ICA1L: variants seen among roughly 807,000 people sequenced by gnomAD.
The protein encoded by ICA1L is islet cell autoantigen 1-like protein.
Under a neutral mutation model 61.3 loss-of-function variants are expected in ICA1L, and 50 were observed. That is an observed-to-expected ratio of 0.82 (90% confidence interval 0.65 to 1.03). The LOEUF (loss-of-function observed/expected upper bound fraction) is 1.03, where lower values mean the gene tolerates loss of function less well. Ranked by LOEUF, ICA1L falls within the 50% of genes least tolerant of loss-of-function variation. ICA1L has a pLI of 0.00. For missense variants in ICA1L, 508 were observed against 556.7 expected, an observed-to-expected ratio of 0.91 and a Z score of 0.88; for synonymous variants, 161 against 191.3, an observed-to-expected ratio of 0.84 and a Z score of 1.31.
At chr2:202,835,690 T>C (rs953999835) in intron 1 of ICA1L, among the ~76,000 whole-genome samples, 14 of 151,414 alleles carry the variant, frequency 9.2e-5, no homozygotes, top group African/African-American at 3.2e-4. Context: ...AGGACTACAG[T>C]TTGTGCCACC....
chr2:202,802,757 T>C (rs1465109105), intron 9 of ICA1L, among the ~76,000 whole-genome samples: 1 of 152,044 alleles, frequency 6.6e-6, no homozygotes, highest in African/African-American at 2.4e-5. Flanking sequence ...TTGGTAAATC[T>C]CAATTTTTTT....
Position 202,849,114 on chromosome 2 carries a change from G to GT in ICA1L, c.-7-20099dup, listed in dbSNP as rs1247688375. ...GCCCAGATACTATGCTTTTCTCACA[G>GT]TTTTTGCAATCCGCAGACCAGAAGA... On this transcript the variant is annotated intron_variant, in intron 1 of 12. Transcript: ENST00000358299. This position sits in a 1 kb window ranked among gnomAD's most constrained non-coding sequence, Gnocchi z 4.5. 7.2e-5 allele frequency among the ~76,000 whole-genome samples: 11 copies of GT among 152,326 alleles called. No individual in the cohort carries two copies. In the East Asian group the frequency reaches 2.1e-3, roughly 29 times the overall value.
At chr2:202,818,362 G>A (rs968543206) in intron 5 of ICA1L, among the ~76,000 whole-genome samples, 5 of 152,116 alleles carry the variant, frequency 3.3e-5, no homozygotes, top group African/African-American at 1.2e-4. Context: ...GTGGGAGGGG[G>A]TGAAGACCTT....
chr2:202,866,241 T>C (rs1464694670), intron 1 of ICA1L, among the ~76,000 whole-genome samples: 1 of 152,050 alleles, frequency 6.6e-6, no homozygotes, highest in African/African-American at 2.4e-5. Flanking sequence ...GATGAGTGAG[T>C]TCTTACTCTC....
chr2:202,783,032 G>A (rs1692460546), intron 12 of ICA1L, among the ~76,000 whole-genome samples: 1 of 152,018 alleles, frequency 6.6e-6, no homozygotes, highest in African/African-American at 2.4e-5. Context: ...TCAAAGTACT[G>A]GGAAGAATAA....
intron 9 of ICA1L, among the ~76,000 whole-genome samples, chr2:202,807,551 G>A (rs1443842489): frequency 6.6e-6 from 1 of 152,150 alleles, no homozygotes; most frequent in Non-Finnish European, 1.5e-5. Flanking sequence ...CACAAGTACT[G>A]CAATTCCTGG....
chr2:202,842,878 GAGTT>G (rs1201685490), intron 1 of ICA1L, among the ~76,000 whole-genome samples: 1 of 151,912 alleles, frequency 6.6e-6, no homozygotes, highest in Non-Finnish European at 1.5e-5. Context: ...ATCTGTCTTT[GAGTT>G]CACATATTAA....
In ICA1L at chr2:202,789,453, A is replaced by G. The variant is rs190254366; in HGVS notation, c.986-366T>C. Among the ~76,000 whole-genome samples the G allele has an allele frequency of 2.2e-3, 339 of 152,338 alleles. 1 individual carries two copies. Among genetic ancestry groups the G allele is most frequent in the Admixed American group, 4.4e-3 (67 of 15,300 alleles). On this transcript the variant is annotated intron_variant, in intron 10 of 12. Transcript: ENST00000358299. The stretch of plus-strand genomic sequence containing the variant: ...AGAGGACAACAGATAAAAAAGATCA[A>G]AAGAGCATAATCAATAATGTAGTTA...
chr2:202,823,389 T>C (rs1311680485), intron 3 of ICA1L, among the ~76,000 whole-genome samples: 1 of 152,222 alleles, frequency 6.6e-6, no homozygotes, highest in East Asian at 1.9e-4. Context: ...ATTAAATCTA[T>C]ATGTGTTTCC....
At chr2:202,865,336 G>C (rs575684923) in intron 1 of ICA1L, among the ~76,000 whole-genome samples, 2 of 151,082 alleles carry the variant, frequency 1.3e-5, no homozygotes, top group African/African-American at 4.9e-5. Context: ...GGGCGTGGTG[G>C]TGCACTCCTG....
At chr2:202,779,691 G>C (rs763500886) in intron 12 of ICA1L, 43 bp from the exon 13 acceptor site, 1 of 1,165,640 alleles carries the variant, frequency 8.6e-7, no homozygotes, top group East Asian at 2.4e-5. Flanking sequence ...ATTCAGTTTT[G>C]AAATCATGTT....
At position 202,774,471 on chromosome 2, in the gene ICA1L, T is replaced by G; in HGVS notation, c.*5062A>C. 2 of 487,704 alleles carry G rather than the reference T, an allele frequency of 4.1e-6. No homozygotes were observed. The highest frequency in any genetic ancestry group is 6.9e-6 in the Non-Finnish European group (2 of 290,270). 30.2% of individuals were successfully genotyped at this position (487,704 alleles called of 1,614,324 possible). Reference sequence around the variant, plus strand: ...TCAAGAAACAACTTTTTCTTTCATGTTTTTTGTATGTGTTTTTTTAGGTTA... The same window carrying G: ...TCAAGAAACAACTTTTTCTTTCATGGTTTTTGTATGTGTTTTTTTAGGTTA... On this transcript the variant is annotated 3_prime_UTR_variant, in exon 13 of 13. Transcript: ENST00000358299.
chr2:202,828,971 C>CTGAT lies in ICA1L; in HGVS notation c.35_38dup (p.Val16SerfsTer13), dbSNP rs770879572. On this transcript the variant is annotated frameshift_variant, in exon 2 of 13. Transcript: ENST00000358299. LOFTEE classifies it high-confidence loss of function. ...TCTTTTGCATTCTTCTGACTACTGA[C>CTGAT]TGATTATCTTCTGGTCTGGGTTGCC... is the stretch of plus-strand genomic sequence containing the variant. 6.2e-7 allele frequency: 1 copy of CTGAT among 1,605,432 alleles called. No individual in the cohort carries two copies.
chr2:202,856,276 C>G (rs567019728), intron 1 of ICA1L, among the ~76,000 whole-genome samples: 2 of 152,078 alleles, frequency 1.3e-5, no homozygotes, highest in Non-Finnish European at 2.9e-5. Flanking sequence ...AAAAGCTTAT[C>G]CACCATGATC....
intron 8 of ICA1L, among the ~76,000 whole-genome samples, 171 bp downstream of exon 8, chr2:202,814,531 T>C (rs1280806841): frequency 6.6e-6 from 1 of 152,210 alleles, no homozygotes; most frequent in Non-Finnish European, 1.5e-5. Flanking sequence ...CTGTCTCAGG[T>C]ATCCTGTTAT....
intron 3 of ICA1L, chr2:202,821,776 AAAAT>A (rs1373394815): frequency 5.6e-6 from 1 of 179,184 alleles, no homozygotes; most frequent in Non-Finnish European, 1.2e-5. Context: ...TCAAAACTAT[AAAAT>A]AAAGCCATAA....
rs1002690261 is a variant in ICA1L at position 202,825,834 on chromosome 2, A to C, written c.163-67T>G. 2.0e-5 allele frequency: 18 copies of C among 889,752 alleles called. No homozygotes were observed. In the Admixed American group the frequency reaches 4.9e-4, roughly 24 times the overall value. The allele number at this position is 889,752 out of a possible 1,614,324, so 55.1% of individuals were successfully genotyped here. Reference sequence around the variant, plus strand: ...AACAAATATATGTTATAAGCACCCCAAAAGCATAACATTTTCTTCTAAGTA... The same window carrying C: ...AACAAATATATGTTATAAGCACCCCCAAAGCATAACATTTTCTTCTAAGTA... On this transcript the variant is annotated intron_variant, in intron 2 of 12. Transcript: ENST00000358299.
chr2:202,774,205 CGCCGGATCGAAGGCGCGG>C lies in ICA1L; in HGVS notation c.*5310_*5327del. The C allele has an allele frequency of 6.4e-7, 1 of 1,550,862 alleles. No individual in the cohort carries two copies. The highest frequency in any genetic ancestry group is 8.7e-7 in the Non-Finnish European group (1 of 1,146,604). The stretch of plus-strand genomic sequence containing the variant: ...GCGGGCACACCAGGAACTCCAGCAG[CGCCGGATCGAAGGCGCGG>C]GGCGGCTCCTGAGTCTTCTCGCTCC... On this transcript the variant is annotated 3_prime_UTR_variant, in exon 13 of 13. Coordinates refer to ENST00000358299, the MANE Select transcript of ICA1L (RefSeq NM_001288622.3).
intron 1 of ICA1L, chr2:202,841,458 C>T (rs1694326974): frequency 9.7e-7 from 1 of 1,029,594 alleles, no homozygotes; most frequent in East Asian, 2.4e-5. Context: ...GGAATTGTAC[C>T]TTGTCTATGG....
Sources: allele counts gnomAD v4.1 joint callset (sites outside exome capture counted in the v4.1 genomes callset), GRCh38; gene constraint gnomAD v4.1.1; non-coding constraint Gnocchi (gnomAD v3.1); transcripts MANE v1.5; gene names NCBI Gene and HGNC (gene_info 2026-07-23, HGNC 2026-07-21).